Variants in SERPINB10 observed in about 807,000 individuals in gnomAD.
SERPINB10 encodes serpin family B member 10, also known as serpin B10.
SERPINB10 carries 35 observed loss-of-function variants against 39.1 expected under a neutral mutation model. That is an observed-to-expected ratio of 0.90 (90% CI 0.68 to 1.19). The LOEUF (loss-of-function observed/expected upper bound fraction) is 1.19. Ranked by LOEUF, SERPINB10 falls within the 50% of genes most tolerant of loss-of-function variation. The pLI is 0.00. For synonymous variants in SERPINB10, 190 were observed against 158.1 expected, an observed-to-expected ratio of 1.20 and a Z score of -1.52; for missense variants, 546 against 460.5, an observed-to-expected ratio of 1.19 and a Z score of -1.70.
intron 6 of SERPINB10, among the ~76,000 whole-genome samples, chr18:63,931,417 C>T (rs2050220994): frequency 6.6e-6 from 1 of 152,134 alleles, no homozygotes; most frequent in Non-Finnish European, 1.5e-5. Flanking sequence ...CTGGAAACAA[C>T]CACAGTATGC....
chr18:63,934,788 A>T (rs772382886), intron 7 of SERPINB10, 50 bp from the exon 8 acceptor site: 1 of 1,542,746 alleles, frequency 6.5e-7, no homozygotes, highest in Non-Finnish European at 8.7e-7. Flanking sequence ...ACTGTTTTTC[A>T]TTCCACTTTG....
At chr18:63,917,576 A>G (rs780430003) in intron 3 of SERPINB10, 55 bp downstream of exon 3, 6 of 1,054,410 alleles carry the variant, frequency 5.7e-6, no homozygotes, top group Non-Finnish European at 8.1e-6. Flanking sequence ...TACTTTTAGC[A>G]CATGTATTTT....
At chr18:63,924,285 C>T (rs2050165640) in intron 5 of SERPINB10, among the ~76,000 whole-genome samples, 1 of 151,954 alleles carries the variant, frequency 6.6e-6, no homozygotes, top group Non-Finnish European at 1.5e-5. Context: ...TGGGAAGCTT[C>T]CAGTTTTTCT....
rs143305177 is a variant in SERPINB10 at position 63,930,818 on chromosome 18, C to T, written c.633+631C>T. Among the ~76,000 whole-genome samples the T allele has an allele frequency of 3.8e-3, 578 of 152,272 alleles. 4 individuals are homozygous for T. Among genetic ancestry groups the T allele is most frequent in the Non-Finnish European group, 4.8e-3 (325 of 68,010 alleles). On this transcript the variant is annotated intron_variant, in intron 6 of 7. Coordinates refer to ENST00000238508, the MANE Select transcript of SERPINB10 (RefSeq NM_005024.3). ...CACAATGACAGAACATAGCTACTCA[C>T]AGGACCTTCGCCATTCTAGAGACCA...
intron 7 of SERPINB10, 37 bp from the exon 8 acceptor site, chr18:63,934,801 A>T: frequency 6.4e-7 from 1 of 1,558,200 alleles, no homozygotes; most frequent in Non-Finnish European, 8.7e-7. Context: ...CCACTTTGGA[A>T]TTACTGATTC....
chr18:63,910,689 C>T lies in SERPINB10; in HGVS notation c.-10+2649C>T, dbSNP rs1195358550. On this transcript the variant is annotated intron_variant, in intron 1 of 7. Coordinates refer to ENST00000238508, the MANE Select transcript of SERPINB10 (RefSeq NM_005024.3). ...GTGTATGTACCAGGTATTCCTTATC[C>T]AATCCAACACTGATAGGCACCTAGG... Among the ~76,000 whole-genome samples the T allele has an allele frequency of 3.3e-5, 5 of 151,920 alleles. No homozygotes were observed. In the East Asian group the frequency reaches 9.7e-4, roughly 29 times the overall value.
At chr18:63,921,763 G>A (rs186613187) in intron 5 of SERPINB10, among the ~76,000 whole-genome samples, 37 of 151,978 alleles carry the variant, frequency 2.4e-4, no homozygotes, top group Admixed American at 1.6e-3. Flanking sequence ...TATGACTGTG[G>A]AGCCTTGCTT....
Position 63,915,787 on chromosome 18 carries a change from C to A in SERPINB10, c.168+109C>A, listed in dbSNP as rs1226042501. ...CTCAATAATTTACATTTCACAATAA[C>A]ATTCTCTAAAACAAGACATACATTA... On this transcript the variant is annotated intron_variant, in intron 2 of 7. Coordinates refer to ENST00000238508, the MANE Select transcript of SERPINB10 (RefSeq NM_005024.3). 10 of 972,448 alleles carry A rather than the reference C, an allele frequency of 1.0e-5. 1 individual carries two copies. In the South Asian group the frequency reaches 1.7e-4, roughly 17 times the overall value. 60.2% of individuals were successfully genotyped at this position (972,448 alleles called of 1,614,324 possible). A position where few individuals can be genotyped will look rare whatever the true frequency, so the allele number is the denominator to read the frequency against.
intron 7 of SERPINB10, among the ~76,000 whole-genome samples, chr18:63,933,814 T>C (rs1292039797): frequency 1.3e-5 from 2 of 152,244 alleles, no homozygotes; most frequent in Non-Finnish European, 2.9e-5. Context: ...GCAATTTGCA[T>C]GCCTAAACTG....
chr18:63,933,850 CCTGT>C (rs1316286219), intron 7 of SERPINB10, among the ~76,000 whole-genome samples: 3 of 152,158 alleles, frequency 2.0e-5, no homozygotes, highest in East Asian at 3.8e-4. Flanking sequence ...CAACGGATGG[CCTGT>C]CTTTCTTTGC....
intron 5 of SERPINB10, among the ~76,000 whole-genome samples, chr18:63,923,094 A>G (rs1390100419): frequency 6.6e-6 from 1 of 151,908 alleles, no homozygotes; most frequent in Admixed American, 6.6e-5. Flanking sequence ...AATGAGAGGC[A>G]CCAAAAAATA....
intron 1 of SERPINB10, among the ~76,000 whole-genome samples, chr18:63,911,630 G>A (rs910583339): frequency 3.9e-5 from 6 of 151,926 alleles, no homozygotes; most frequent in African/African-American, 1.5e-4. Flanking sequence ...TGTTCCATTG[G>A]CCTATGTGTC....
intron 5 of SERPINB10, among the ~76,000 whole-genome samples, chr18:63,929,352 A>G (rs2050203006): frequency 6.6e-6 from 1 of 152,068 alleles, no homozygotes; most frequent in Admixed American, 6.6e-5. Context: ...GAATTTCAAA[A>G]AGGAAAGAAA....
chr18:63,919,222 G>T (rs1848736630), intron 4 of SERPINB10, among the ~76,000 whole-genome samples: 2 of 148,010 alleles, frequency 1.4e-5, no homozygotes, highest in Admixed American at 1.4e-4. Context: ...GGACCAGGAG[G>T]AGGTGAAGGC....
At chr18:63,927,219 AT>A (rs2050187871) in intron 5 of SERPINB10, among the ~76,000 whole-genome samples, 1 of 151,988 alleles carries the variant, frequency 6.6e-6, no homozygotes, top group African/African-American at 2.4e-5. Context: ...GAAAAATATT[AT>A]TTTTAATATT....
chr18:63,914,575 T>A (rs1326223747), intron 1 of SERPINB10, among the ~76,000 whole-genome samples: 1 of 152,038 alleles, frequency 6.6e-6, no homozygotes, highest in Non-Finnish European at 1.5e-5. Flanking sequence ...ATTAAAATAT[T>A]ATGGTATTGC....
At chr18:63,913,500 T>G (rs949563615) in intron 1 of SERPINB10, among the ~76,000 whole-genome samples, 1 of 152,066 alleles carries the variant, frequency 6.6e-6, no homozygotes, top group Admixed American at 6.6e-5. Flanking sequence ...TCAAAGACGT[T>G]GATTTCTGCG....
chr18:63,925,742 C>G (rs1336334428), intron 5 of SERPINB10, among the ~76,000 whole-genome samples: 2 of 151,910 alleles, frequency 1.3e-5, no homozygotes, highest in South Asian at 2.1e-4. Flanking sequence ...AGAAAACCAC[C>G]ATCTGCAATA....
In SERPINB10 at chr18:63,916,593, C is replaced by T. The variant is rs73478048; in HGVS notation, c.169-863C>T. 7.2e-3 allele frequency among the ~76,000 whole-genome samples: 1,093 copies of T among 152,168 alleles called. 23 individuals carry two copies. The highest frequency in any genetic ancestry group is 0.025 in the African/African-American group (1,042 of 41,544). ...AAACAACAACAGCAACAACAAAATCCTTGTTCACAACTTGTTAATGACAGG... is the reference window on the plus strand; with the variant it reads ...AAACAACAACAGCAACAACAAAATCTTTGTTCACAACTTGTTAATGACAGG... On this transcript the variant is annotated intron_variant, in intron 2 of 7. Coordinates refer to ENST00000238508, the MANE Select transcript of SERPINB10 (RefSeq NM_005024.3).
Sources: allele counts gnomAD v4.1 joint callset (sites outside exome capture counted in the v4.1 genomes callset), GRCh38; gene constraint gnomAD v4.1.1; transcripts MANE v1.5; gene names NCBI Gene and HGNC (gene_info 2026-07-23, HGNC 2026-07-21).